Variants in CMPK1 observed in about 807,000 individuals in gnomAD.
The protein encoded by CMPK1 is cytidine/uridine monophosphate kinase 1.
CMPK1 carries 10 observed loss-of-function variants against 25.7 expected under a neutral mutation model. The ratio of observed to expected loss-of-function variants is 0.39; its 90% CI spans 0.24 to 0.66. The LOEUF (loss-of-function observed/expected upper bound fraction) is 0.66. CMPK1 is among the 30% of genes least tolerant of loss of function. CMPK1 has a pLI of 0.48. For synonymous variants in CMPK1, 106 were observed against 101.5 expected, an observed-to-expected ratio of 1.04 and a Z score of -0.27; for missense variants, 199 against 280.5, an observed-to-expected ratio of 0.71 and a Z score of 2.08.
intron 1 of CMPK1, among the ~76,000 whole-genome samples, chr1:47,362,361 G>A (rs939218195): frequency 7.3e-6 from 1 of 136,364 alleles, no homozygotes; most frequent in Non-Finnish European, 1.6e-5. Flanking sequence ...AGTAGAGACA[G>A]GGTTTCACCA....
intron 1 of CMPK1, among the ~76,000 whole-genome samples, chr1:47,350,147 C>T (rs1044269394): frequency 1.4e-4 from 22 of 152,184 alleles, no homozygotes; most frequent in Middle Eastern, 3.4e-3. Flanking sequence ...CTGTCTTGCC[C>T]GGGATGGTCT....
At chr1:47,335,889 C>G (rs1204810701) in intron 1 of CMPK1, among the ~76,000 whole-genome samples, 1 of 151,750 alleles carries the variant, frequency 6.6e-6, no homozygotes, top group Non-Finnish European at 1.5e-5. Flanking sequence ...TCAGCCTCTG[C>G]ATAGCTGGGA....
intron 1 of CMPK1, among the ~76,000 whole-genome samples, chr1:47,368,004 C>T (rs1310040358): frequency 6.6e-6 from 1 of 152,010 alleles, no homozygotes. Context: ...GGCTGGAGTG[C>T]GGTGGCACGA....
chr1:47,358,127 T>C (rs1646575890), intron 1 of CMPK1, among the ~76,000 whole-genome samples: 1 of 148,552 alleles, frequency 6.7e-6, no homozygotes, highest in Non-Finnish European at 1.5e-5. Flanking sequence ...TTTTTTTTTT[T>C]AAGGGACAGA....
chr1:47,346,487 C>CTTTTCTTTCTCTCTCTCTTTTTT (rs1646484746), intron 1 of CMPK1, among the ~76,000 whole-genome samples: 1 of 151,912 alleles, frequency 6.6e-6, no homozygotes, highest in Non-Finnish European at 1.5e-5. Flanking sequence ...CTCCCTGTCT[C>CTTTTCTTTCTCTCTCTCTTTTTT]TTTTCTTTCT....
At chr1:47,370,596 ATGCTAC>A (rs1646671538) in intron 2 of CMPK1, among the ~76,000 whole-genome samples, 1 of 149,612 alleles carries the variant, frequency 6.7e-6, no homozygotes, top group African/African-American at 2.5e-5. Context: ...AGCCAAGATC[ATGCTAC>A]TGCACTCCAG....
chr1:47,373,673 G>A (rs946673522), intron 3 of CMPK1, among the ~76,000 whole-genome samples: 1 of 152,114 alleles, frequency 6.6e-6, no homozygotes, highest in Admixed American at 6.6e-5. Flanking sequence ...GCATATGCCT[G>A]TAATCCCAGC....
At chr1:47,365,179 A>G (rs1323095374) in intron 1 of CMPK1, among the ~76,000 whole-genome samples, 2 of 151,834 alleles carry the variant, frequency 1.3e-5, no homozygotes, top group African/African-American at 4.8e-5. Context: ...GCAATTTCTA[A>G]TTGCCACATT....
intron 1 of CMPK1, among the ~76,000 whole-genome samples, chr1:47,338,341 T>C (rs1557799940): frequency 6.6e-6 from 1 of 152,216 alleles, no homozygotes; most frequent in Non-Finnish European, 1.5e-5. Context: ...AATTCTGCTC[T>C]GCAAATTGCT....
intron 1 of CMPK1, among the ~76,000 whole-genome samples, chr1:47,363,967 A>T (rs2149332267): frequency 6.6e-6 from 1 of 152,266 alleles, no homozygotes; most frequent in Non-Finnish European, 1.5e-5. Context: ...GTTTTGAAAC[A>T]GATAATAGAC....
At position 47,334,037 on chromosome 1, in the gene CMPK1, G is replaced by A; in HGVS notation, c.92G>A (p.Arg31His). ...TRRPILLCSP[R>H]LMKPLVVFVL... ...CGGCCGATTCTCCTCTGCTCTCCAC[G>A]TCTCATGAAGCCGCTGGTCGTGTTC... Residue 31 changes from arginine (R) to histidine (H), a missense_variant, in exon 1 of 6, where the codon CGT becomes CAT. By Grantham distance (29) the Arg-to-His change is conservative (BLOSUM62 0). Transcript: ENST00000371873. 1 of 1,553,676 alleles carries A rather than the reference G, an allele frequency of 6.4e-7. No homozygotes were observed. Among genetic ancestry groups the A allele is most frequent in the Non-Finnish European group, 8.7e-7 (1 of 1,149,984 alleles).
intron 5 of CMPK1, among the ~76,000 whole-genome samples, chr1:47,376,168 T>C (rs181631940): frequency 1.3e-5 from 2 of 152,012 alleles, no homozygotes; most frequent in East Asian, 3.9e-4. Context: ...TTTATATGTA[T>C]TATTTATATA....
chr1:47,372,961 G>T lies in CMPK1; in HGVS notation c.325G>T (p.Asp109Tyr). 1 of 1,605,188 alleles carries T rather than the reference G, an allele frequency of 6.2e-7. No individual in the cohort carries two copies. The highest frequency in any genetic ancestry group is 8.5e-7 in the Non-Finnish European group (1 of 1,177,912). The change falls in exon 3 of 6, where the codon GAT becomes TAT. Residue 109 changes from aspartate (D) to tyrosine (Y), a missense_variant. Transcript: ENST00000371873. ...ITISLLKREM[D>Y]QTMAANAQKN... ...AATCTTCTTTTTCCTTTAGGAAATG[G>T]ATCAGACAATGGCTGCCAATGCTCA...
intron 1 of CMPK1, among the ~76,000 whole-genome samples, 183 bp downstream of exon 1, chr1:47,334,299 G>T (rs1436506162): frequency 6.6e-6 from 1 of 151,860 alleles, no homozygotes; most frequent in East Asian, 2.0e-4. Context: ...GGGACTTGTA[G>T]TCCGCGCCCG....
At chr1:47,343,134 A>G (rs909638186) in intron 1 of CMPK1, among the ~76,000 whole-genome samples, 2 of 150,882 alleles carry the variant, frequency 1.3e-5, no homozygotes, top group African/African-American at 4.9e-5. Context: ...ATACAGGCAC[A>G]TGCCACCACA....
chr1:47,344,214 GA>G (rs1165212482), intron 1 of CMPK1, among the ~76,000 whole-genome samples: 1 of 152,154 alleles, frequency 6.6e-6, no homozygotes, highest in Non-Finnish European at 1.5e-5. Context: ...GACGTTTAGG[GA>G]AGGGACATCT....
chr1:47,335,779 G>GT (rs1646394140), intron 1 of CMPK1, among the ~76,000 whole-genome samples: 1 of 148,842 alleles, frequency 6.7e-6, no homozygotes, highest in African/African-American at 2.5e-5. Context: ...TTTTGTTTTT[G>GT]TTTTTGTGAC....
intron 3 of CMPK1, 87 bp from the exon 4 acceptor site, chr1:47,374,822 C>T: frequency 3.2e-6 from 3 of 935,024 alleles, no homozygotes; most frequent in Non-Finnish European, 4.8e-6. Context: ...TTTTTTTGGT[C>T]ATCTCTTTAA....
rs145221845 is a variant in CMPK1 at position 47,369,518 on chromosome 1, C to G, written c.318+903C>G. ...TTATTCTCTTCCATTTCTGTTTCATCTTTTTTCCTCCCTCTCCTGCTCCCT... is the reference window on the plus strand; with the variant it reads ...TTATTCTCTTCCATTTCTGTTTCATGTTTTTTCCTCCCTCTCCTGCTCCCT... On this transcript the variant is annotated intron_variant, in intron 2 of 5. Transcript: ENST00000371873. Among the ~76,000 whole-genome samples the G allele has an allele frequency of 9.2e-5, 14 of 152,174 alleles. No homozygotes were observed. The East Asian group carries it at 2.7e-3, about 29-fold the overall frequency.
Sources: gnomAD v4.1 joint callset for allele counts (sites outside exome capture counted in the v4.1 genomes callset) on GRCh38, gnomAD v4.1.1 for gene constraint, MANE v1.5 for transcripts, NCBI Gene and HGNC (gene_info 2026-07-23, HGNC 2026-07-21) for gene names.